Variants in ASZ1 observed in about 807,000 individuals in gnomAD.
ASZ1 encodes ankyrin repeat, SAM and basic leucine zipper domain containing 1, also known as ankyrin repeat, SAM and basic leucine zipper domain-containing protein 1.
A neutral mutation model predicts 61.8 loss-of-function variants in ASZ1; 67 were observed. That is an observed-to-expected ratio of 1.08 (90% confidence interval 0.89 to 1.33). The LOEUF (loss-of-function observed/expected upper bound fraction) is 1.33, where lower values mean the gene tolerates loss of function less well. ASZ1 is among the 40% of genes most tolerant of loss of function. The probability of loss-of-function intolerance (pLI) is 0.00; values close to 1 mark genes in which losing one functional copy is unlikely to be tolerated. For missense variants in ASZ1, 577 were observed against 554.5 expected (o/e 1.04, Z -0.41); for synonymous variants, 193 against 192.7 (o/e 1.00, Z -0.01).
intron 2 of ASZ1, among the ~76,000 whole-genome samples, chr7:117,424,151 C>G (rs1186289575): frequency 6.6e-6 from 1 of 152,102 alleles, no homozygotes; most frequent in Non-Finnish European, 1.5e-5. Flanking sequence ...GGGTACCGTA[C>G]TTTTCTGAAT....
At chr7:117,382,779 T>A (rs1796279167) in intron 7 of ASZ1, among the ~76,000 whole-genome samples, 1 of 152,110 alleles carries the variant, frequency 6.6e-6, no homozygotes, top group Admixed American at 6.6e-5. Flanking sequence ...AAAGTTTACA[T>A]TTAAAGTTAT....
In ASZ1 at chr7:117,425,886, A is replaced by G. The variant is rs188130070; in HGVS notation, c.205+950T>C. Among the ~76,000 whole-genome samples the G allele has an allele frequency of 4.0e-3, 610 of 152,070 alleles. 8 individuals carry two copies. The highest frequency in any genetic ancestry group is 0.012 in the African/African-American group (506 of 41,500). On this transcript the variant is annotated intron_variant, in intron 2 of 12. Transcript: ENST00000284629. ...GTGCTTTTAGTCCCGGCTACTCCGG[A>G]GGCTGAGGTGGGAGAATCACTTGAA...
At chr7:117,376,100 G>A (rs75707608) in intron 10 of ASZ1, among the ~76,000 whole-genome samples, 3,461 of 151,864 alleles carry the variant, frequency 0.023, 129 homozygotes, top group African/African-American at 0.079. Flanking sequence ...GACAGAAATC[G>A]CCAATATAAA....
chr7:117,388,549 A>T (rs1275582455), intron 4 of ASZ1, among the ~76,000 whole-genome samples: 2 of 152,336 alleles, frequency 1.3e-5, no homozygotes, highest in East Asian at 3.9e-4. Flanking sequence ...AATGAAAAAA[A>T]ACCCTCAACA....
At chr7:117,381,745 G>A (rs151167828) in intron 8 of ASZ1, among the ~76,000 whole-genome samples, 1 of 152,076 alleles carries the variant, frequency 6.6e-6, no homozygotes, top group Non-Finnish European at 1.5e-5. Flanking sequence ...TCTGATACCA[G>A]GTGTTTGGTT....
At chr7:117,405,681 T>G (rs1459798502) in intron 4 of ASZ1, among the ~76,000 whole-genome samples, 1 of 152,174 alleles carries the variant, frequency 6.6e-6, no homozygotes, top group African/African-American at 2.4e-5. Context: ...CTTTCCAACT[T>G]CCTAGCTGGA....
At chr7:117,394,899 T>C (rs1186544956) in intron 4 of ASZ1, among the ~76,000 whole-genome samples, 1 of 152,208 alleles carries the variant, frequency 6.6e-6, no homozygotes, top group African/African-American at 2.4e-5. Flanking sequence ...TCATTTCTAT[T>C]GTTATTTTGT....
intron 4 of ASZ1, among the ~76,000 whole-genome samples, chr7:117,408,588 A>G (rs1796836063): frequency 6.6e-6 from 1 of 152,184 alleles, no homozygotes; most frequent in Non-Finnish European, 1.5e-5. Context: ...CCTTCACCAT[A>G]GTGGAATTCA....
At chr7:117,366,384 T>G (rs982245839) in intron 12 of ASZ1, among the ~76,000 whole-genome samples, 3 of 152,148 alleles carry the variant, frequency 2.0e-5, no homozygotes, top group Non-Finnish European at 4.4e-5. Flanking sequence ...TGATAAAATA[T>G]TAATGAAAAT....
intron 4 of ASZ1, among the ~76,000 whole-genome samples, chr7:117,402,851 A>AATGT (rs1468455380): frequency 1.5e-4 from 23 of 152,092 alleles, no homozygotes; most frequent in Admixed American, 1.4e-3. Flanking sequence ...TGGACCCTTA[A>AATGT]ATGTCTGTGC....
At position 117,426,894 on chromosome 7, in the gene ASZ1, T is replaced by G; in HGVS notation, c.147A>C (p.Lys49Asn). 6.2e-7 allele frequency: 1 copy of G among 1,613,070 alleles called. No individual in the cohort carries two copies. The highest frequency in any genetic ancestry group is 8.5e-7 in the Non-Finnish European group (1 of 1,179,782). Residue 49 changes from lysine (K) to asparagine (N), a missense_variant, in exon 2 of 13, where the codon AAA (lysine) becomes AAC (asparagine). Lys to Asn is a moderately conservative substitution (Grantham distance 94). Coordinates refer to ENST00000284629, the MANE Select transcript of ASZ1 (RefSeq NM_130768.3). The stretch of plus-strand genomic sequence containing the variant: ...CTCCGATGGTCATTGCTTTCTTAAA[T>G]TTTTCTTTCTTTTCTTCAATGGGTA... ...RLLPIEEKKE[K>N]FKKAMTIGDV...
chr7:117,395,107 G>A (rs117593548), intron 4 of ASZ1, among the ~76,000 whole-genome samples: 186 of 152,328 alleles, frequency 1.2e-3, no homozygotes, highest in Non-Finnish European at 2.0e-3. Context: ...AAACACAGAA[G>A]ACAAGATAAC....
intron 4 of ASZ1, among the ~76,000 whole-genome samples, chr7:117,405,313 T>G (rs1157372275): frequency 6.6e-6 from 1 of 152,220 alleles, no homozygotes; most frequent in Non-Finnish European, 1.5e-5. Context: ...CAGTTAGGTC[T>G]CCAACATTTT....
intron 10 of ASZ1, among the ~76,000 whole-genome samples, chr7:117,379,133 T>TTTTATA (rs1491302490): frequency 2.9e-5 from 3 of 104,656 alleles, no homozygotes; most frequent in African/African-American, 3.5e-5. Context: ...TGTGATAAAA[T>TTTTATA]TATATATATA....
At chr7:117,395,536 C>G (rs1796560033) in intron 4 of ASZ1, among the ~76,000 whole-genome samples, 1 of 152,060 alleles carries the variant, frequency 6.6e-6, no homozygotes, top group Non-Finnish European at 1.5e-5. Flanking sequence ...ATTCAATCTT[C>G]TTTTATTTTA....
chr7:117,385,014 A>G (rs547759184), intron 5 of ASZ1, among the ~76,000 whole-genome samples, 154 bp from the exon 6 acceptor site: 111 of 152,310 alleles, frequency 7.3e-4, no homozygotes, highest in African/African-American at 2.5e-3. Context: ...TATAATGTAA[A>G]CATATTTCCA....
chr7:117,415,908 G>T (rs1311840149), intron 4 of ASZ1, among the ~76,000 whole-genome samples: 2 of 152,064 alleles, frequency 1.3e-5, no homozygotes, highest in African/African-American at 4.8e-5. Context: ...ATAAAGGAGT[G>T]GGCCAGGCGC....
intron 2 of ASZ1, among the ~76,000 whole-genome samples, chr7:117,424,765 G>A (rs916314017): frequency 1.3e-5 from 2 of 151,978 alleles, no homozygotes; most frequent in Non-Finnish European, 2.9e-5. Flanking sequence ...TTAGGTATTC[G>A]GGCCTCTTTC....
chr7:117,408,007 A>G (rs1278643042), intron 4 of ASZ1, among the ~76,000 whole-genome samples: 1 of 152,136 alleles, frequency 6.6e-6, no homozygotes, highest in Non-Finnish European at 1.5e-5. Flanking sequence ...TCACCATGCT[A>G]CTCTGCCAGT....
Sources: gnomAD v4.1 joint callset for allele counts (sites outside exome capture counted in the v4.1 genomes callset) on GRCh38, gnomAD v4.1.1 for gene constraint, MANE v1.5 for transcripts, NCBI Gene and HGNC (gene_info 2026-07-23, HGNC 2026-07-21) for gene names.